The following SMARCA2 variants were observed in gnomAD, a reference collection of about 807,000 sequenced individuals.
SMARCA2 encodes the protein SWI/SNF related BAF chromatin remodeling complex subunit ATPase 2.
Under a neutral mutation model 199.8 loss-of-function variants are expected in SMARCA2, and 61 were observed. The ratio of observed to expected loss-of-function variants is 0.31; its 90% CI spans 0.25 to 0.38. The LOEUF is 0.38. SMARCA2 is among the 10% of genes least tolerant of loss of function. The probability of loss-of-function intolerance (pLI) is 1.00; values close to 1 mark genes in which losing one functional copy is unlikely to be tolerated. For missense variants in SMARCA2, 1,344 were observed against 2,012.2 expected (o/e 0.67, Z 6.35); for synonymous variants, 935 against 732.0 (o/e 1.28, Z -4.48).
chr9:2,060,711 C>T lies in SMARCA2; in HGVS notation c.1522-105C>T, dbSNP rs918600422. The T allele has an allele frequency of 1.0e-5, 11 of 1,069,982 alleles. No homozygotes were observed. In the African/African-American group the frequency reaches 1.2e-4, roughly 12 times the overall value. 66.3% of individuals were successfully genotyped at this position (1,069,982 alleles called of 1,614,324 possible). A position where few individuals can be genotyped will look rare whatever the true frequency, so the allele number is the denominator to read the frequency against. On this transcript the variant is annotated intron_variant, in intron 8 of 33. Transcript: ENST00000349721. Reference sequence around the variant, plus strand: ...AGCCCAACTCATCCAGTTTGCTACACTCCTACCAGTCAAAATGCAGACTGT... The same window carrying T: ...AGCCCAACTCATCCAGTTTGCTACATTCCTACCAGTCAAAATGCAGACTGT...
intron 27 of SMARCA2, among the ~76,000 whole-genome samples, chr9:2,131,838 G>A (rs1334777218): frequency 1.3e-5 from 2 of 151,692 alleles, no homozygotes; most frequent in Non-Finnish European, 2.9e-5. Context: ...TACTCGGGAG[G>A]CTGAGGCAGG....
chr9:2,074,139 T>A (rs1821216111), intron 12 of SMARCA2, among the ~76,000 whole-genome samples: 1 of 152,208 alleles, frequency 6.6e-6, no homozygotes, highest in Admixed American at 6.5e-5. Context: ...TTTGAATTCC[T>A]TAGATATACT....
chr9:2,075,073 C>A (rs929789429), intron 12 of SMARCA2: 1 of 152,342 alleles, frequency 6.6e-6, no homozygotes, highest in Non-Finnish European at 1.5e-5. Flanking sequence ...CAGGTGCCAT[C>A]CTGAGAATGA....
intron 27 of SMARCA2, among the ~76,000 whole-genome samples, chr9:2,142,185 T>C (rs557368148): frequency 1.3e-3 from 191 of 152,332 alleles, no homozygotes; most frequent in African/African-American, 4.4e-3. Flanking sequence ...TCACTGCTCC[T>C]CGTCTTGGGT....
chr9:2,063,474 C>T (rs1444135756), intron 9 of SMARCA2, among the ~76,000 whole-genome samples: 2 of 152,150 alleles, frequency 1.3e-5, no homozygotes, highest in Admixed American at 1.3e-4. Context: ...TCCTTTTTAG[C>T]ACTTTTCCAT....
intron 32 of SMARCA2, among the ~76,000 whole-genome samples, chr9:2,188,876 G>C (rs1361851259): frequency 1.3e-5 from 2 of 152,132 alleles, no homozygotes; most frequent in Non-Finnish European, 2.9e-5. Flanking sequence ...CCACTTTCTT[G>C]CTGGCTGCCA....
At chr9:2,159,077 T>C (rs1825528814) in intron 27 of SMARCA2, 1 of 1,456,666 alleles carries the variant, frequency 6.9e-7, no homozygotes, top group African/African-American at 1.4e-5. Flanking sequence ...AGTTGTTCTG[T>C]TTGCAATTTA....
intron 9 of SMARCA2, among the ~76,000 whole-genome samples, chr9:2,064,614 A>G (rs950130338): frequency 2.6e-5 from 4 of 152,180 alleles, no homozygotes; most frequent in African/African-American, 9.7e-5. Flanking sequence ...GTTGGAAATC[A>G]GTTGAATATT....
At chr9:2,133,413 C>T (rs946482773) in intron 27 of SMARCA2, among the ~76,000 whole-genome samples, 1 of 151,944 alleles carries the variant, frequency 6.6e-6, no homozygotes, top group Non-Finnish European at 1.5e-5. Flanking sequence ...TTTTGAGTAG[C>T]TGAGACTACG....
intron 17 of SMARCA2, among the ~76,000 whole-genome samples, chr9:2,085,461 C>A (rs1435969596): frequency 6.6e-6 from 1 of 152,098 alleles, no homozygotes. Flanking sequence ...TCAAAGGCCT[C>A]TGATTCTTTA....
chr9:2,025,525 C>T lies in SMARCA2; in HGVS notation c.-36-3462C>T, dbSNP rs151289820. On this transcript the variant is annotated intron_variant, in intron 1 of 33. Transcript: ENST00000349721. ...CTGTGAAGTCCATCTGGGCCCTCTCCTCCAGCCCACCCTACTATGCTTACT... is the reference window on the plus strand; with the variant it reads ...CTGTGAAGTCCATCTGGGCCCTCTCTTCCAGCCCACCCTACTATGCTTACT... 3.9e-3 allele frequency among the ~76,000 whole-genome samples: 587 copies of T among 152,290 alleles called. 7 individuals are homozygous for T. Among genetic ancestry groups the T allele is most frequent in the African/African-American group, 0.014 (567 of 41,566 alleles).
At chr9:2,184,299 T>C (rs2129916238) in intron 31 of SMARCA2, among the ~76,000 whole-genome samples, 1 of 152,216 alleles carries the variant, frequency 6.6e-6, no homozygotes, top group Non-Finnish European at 1.5e-5. Context: ...AGAGAGATTC[T>C]GTGTACCTTT....
In SMARCA2 at chr9:2,193,455, A is replaced by G. The variant is rs1061478; in HGVS notation, c.*716A>G. On this transcript the variant is annotated 3_prime_UTR_variant, in exon 34 of 34. Transcript: ENST00000349721. ...GCTTCTTTTGTCACCCTGATCTCCT[A>G]TGTTACCAATGTGTATCGTCTCCTT... 2,822 of 152,740 alleles carry G rather than the reference A, an allele frequency of 0.018. 37 individuals carry two copies. Among genetic ancestry groups the G allele is most frequent in the Middle Eastern group, 0.034 (10 of 294 alleles). The allele number at this position is 152,740 out of a possible 1,614,324, so 9.5% of individuals were successfully genotyped here.
chr9:2,050,322 C>CT (rs33981080), intron 5 of SMARCA2, among the ~76,000 whole-genome samples: 4,627 of 147,048 alleles, frequency 0.031, 77 homozygotes, highest in Middle Eastern at 0.056. Flanking sequence ...CCCTGTACTG[C>CT]TTTTTTTTTT....
At chr9:2,019,496 C>CA (rs57704949) in intron 1 of SMARCA2, among the ~76,000 whole-genome samples, 2,787 of 81,740 alleles carry the variant, frequency 0.034, 36 homozygotes, top group East Asian at 0.099. Flanking sequence ...TTAGAATTGA[C>CA]AAAAAAAAAA....
Position 2,182,165 on chromosome 9 carries a change from C to A in SMARCA2, c.4384C>A (p.Arg1462=), listed in dbSNP as rs774671393. 5.6e-6 allele frequency: 9 copies of A among 1,611,946 alleles called. 1 individual carries two copies. In the South Asian group the frequency reaches 9.9e-5, roughly 18 times the overall value. Residue 1462 remains arginine, a synonymous_variant, in exon 31 of 34, where the codon CGG becomes AGG. Transcript: ENST00000349721. ...GGAAAGGATTCGTAATCATAAGTAC[C>A]GGAGCCTAGGCGACCTGGAGAAGGA... The part of the protein sequence containing the change: ...IKERIRNHKY[R]SLGDLEKDVM...
intron 19 of SMARCA2, among the ~76,000 whole-genome samples, chr9:2,090,129 C>G (rs543315805): frequency 6.6e-4 from 101 of 152,202 alleles, no homozygotes; most frequent in African/African-American, 2.4e-3. Context: ...AATTATATCA[C>G]AAAGGAATTC....
chr9:2,143,038 G>C (rs7048826), intron 27 of SMARCA2, among the ~76,000 whole-genome samples: 39,506 of 151,918 alleles, frequency 0.26, 6,559 homozygotes, highest in African/African-American at 0.47. Context: ...TAAAACAAAA[G>C]AAACTTATAC....
intron 27 of SMARCA2, chr9:2,158,619 G>GGTA: frequency 4.2e-6 from 1 of 240,830 alleles, no homozygotes; most frequent in East Asian, 7.8e-5. Flanking sequence ...TCTTTTTGGG[G>GGTA]GTAGTACTTT....
Sources: gnomAD v4.1 joint callset for allele counts (sites outside exome capture counted in the v4.1 genomes callset) on GRCh38, gnomAD v4.1.1 for gene constraint, MANE v1.5 for transcripts, NCBI Gene and HGNC (gene_info 2026-07-23, HGNC 2026-07-21) for gene names.